RNF6: variants seen among roughly 807,000 people sequenced by gnomAD.
RNF6 encodes the protein ring finger protein 6, also known as E3 ubiquitin-protein ligase RNF6.
Under a neutral mutation model 50.1 loss-of-function variants are expected in RNF6, and 21 were observed. The observed-to-expected ratio is 0.42, with a 90% CI of 0.30 to 0.60. The LOEUF (loss-of-function observed/expected upper bound fraction) is 0.60. Among genes scored for constraint, RNF6 ranks in the 20% least tolerant of loss-of-function variants. RNF6 has a pLI of 0.20. For synonymous variants in RNF6, 255 were observed against 291.8 expected (o/e 0.87, Z 1.29); for missense variants, 698 against 838.2 (o/e 0.83, Z 2.07).
intron 5 of RNF6, among the ~76,000 whole-genome samples, chr13:26,198,683 A>G (rs920434977): frequency 2.6e-5 from 4 of 152,000 alleles, no homozygotes; most frequent in African/African-American, 9.7e-5. Context: ...ATATATATTG[A>G]AAAGGAAAAA....
At position 26,188,451 on chromosome 13, in the gene RNF6, G is replaced by A. The variant is rs376208107; in HGVS notation, n.768+27023C>T. 2.5e-3 allele frequency among the ~76,000 whole-genome samples: 385 copies of A among 152,202 alleles called. 2 individuals are homozygous for A. The highest frequency in any genetic ancestry group is 0.017 in the Middle Eastern group (5 of 294). On this transcript the variant is annotated intron_variant and non_coding_transcript_variant, in intron 5 of 5. Transcript: ENST00000468480. ...TGAATAACTACTGGAATTATCAAGA[G>A]TCTGGCTGAATTTACATTTTACTTT...
At chr13:26,191,609 C>G (rs1274534934) in intron 5 of RNF6, among the ~76,000 whole-genome samples, 2 of 152,148 alleles carry the variant, frequency 1.3e-5, no homozygotes, top group Non-Finnish European at 2.9e-5. Context: ...CTTGGCAGTT[C>G]TCTCCTCACT....
chr13:26,201,778 A>G (rs2075041958), intron 5 of RNF6, among the ~76,000 whole-genome samples: 1 of 152,236 alleles, frequency 6.6e-6, no homozygotes, highest in Admixed American at 6.5e-5. Flanking sequence ...AGAGGCAGAC[A>G]TGGGCTCAGA....
At chr13:26,146,171 G>C (rs1871231329) in intron 5 of RNF6, among the ~76,000 whole-genome samples, 3 of 152,148 alleles carry the variant, frequency 2.0e-5, no homozygotes, top group Non-Finnish European at 4.4e-5. Context: ...ATCCCTTTGG[G>C]GAAGGCTGGG....
chr13:26,216,379 G>A lies in RNF6; in HGVS notation c.290-787C>T, dbSNP rs566608642. Among the ~76,000 whole-genome samples the A allele has an allele frequency of 3.9e-5, 6 of 152,120 alleles. No individual in the cohort carries two copies. The South Asian group carries it at 1.2e-3, about 32-fold the overall frequency. On this transcript the variant is annotated intron_variant, in intron 4 of 4. Coordinates refer to ENST00000381588, the MANE Select transcript of RNF6 (RefSeq NM_005977.4). Reference sequence around the variant, plus strand: ...AATACATTTTCTATTCATTTAGAACGTAAGCTCCAGGAAAACAAAGATTTT... The same window carrying A: ...AATACATTTTCTATTCATTTAGAACATAAGCTCCAGGAAAACAAAGATTTT...
At position 26,212,859 on chromosome 13, in the gene RNF6, G is replaced by C. The variant is rs894583735; in HGVS notation, c.*965C>G. 6.6e-6 allele frequency: 1 copy of C among 152,092 alleles called. No homozygotes were observed. Among genetic ancestry groups the C allele is most frequent in the Non-Finnish European group, 1.5e-5 (1 of 67,916 alleles). The allele number at this position is 152,092 out of a possible 1,614,324, so 9.4% of individuals were successfully genotyped here. A position where few individuals can be genotyped will look rare whatever the true frequency, so the allele number is the denominator to read the frequency against. Reference sequence around the variant, plus strand: ...ACTCTACATTCTCTTAAAGGTTTTCGTTTTGTTTTCACTGGAGATTTTTAG... The same window carrying C: ...ACTCTACATTCTCTTAAAGGTTTTCCTTTTGTTTTCACTGGAGATTTTTAG... On this transcript the variant is annotated 3_prime_UTR_variant, in exon 5 of 5. Coordinates refer to ENST00000381588, the MANE Select transcript of RNF6 (RefSeq NM_005977.4).
chr13:26,204,463 C>G (rs1181452128), intron 5 of RNF6, among the ~76,000 whole-genome samples: 4 of 126,394 alleles, frequency 3.2e-5, no homozygotes, highest in Admixed American at 1.0e-4. Flanking sequence ...CACCACTGCA[C>G]TTTAGCCTGG....
At chr13:26,221,969 AGTG>A (rs1405046539) in intron 1 of RNF6, 31 bp downstream of exon 1, 1 of 152,406 alleles carries the variant, frequency 6.6e-6, no homozygotes, top group Admixed American at 6.5e-5. Context: ...TCCAGGAAGT[AGTG>A]GTGGGACCCA....
rs539573484 is a variant in RNF6, at chr13:26,189,578, C to T, written n.768+25896G>A. Reference sequence around the variant, plus strand: ...GCAGTTTGCCCCAATCTTAAGGAAACTCTGCCTGTTTTTGCTTCAGGCTTC... The same window carrying T: ...GCAGTTTGCCCCAATCTTAAGGAAATTCTGCCTGTTTTTGCTTCAGGCTTC... On this transcript the variant is annotated intron_variant and non_coding_transcript_variant, in intron 5 of 5. Transcript: ENST00000468480. Among the ~76,000 whole-genome samples the T allele has an allele frequency of 6.6e-4, 101 of 152,318 alleles. 1 individual carries two copies. The highest frequency in any genetic ancestry group is 2.3e-3 in the African/African-American group (96 of 41,578).
chr13:26,205,677 C>T (rs1477704659), intron 5 of RNF6, among the ~76,000 whole-genome samples: 1 of 152,190 alleles, frequency 6.6e-6, no homozygotes, highest in Non-Finnish European at 1.5e-5. Context: ...ACAGGATAAA[C>T]CCTCTTTAAG....
At position 26,215,554 on chromosome 13, in the gene RNF6, G is replaced by C; in HGVS notation, c.328C>G (p.Leu110Val). Reference sequence around the variant, plus strand: ...CGAAAGGTGTTCAACCATTCTAGAAGAGAATCTTCATGTGAACTTTCTCTA... The same window carrying C: ...CGAAAGGTGTTCAACCATTCTAGAACAGAATCTTCATGTGAACTTTCTCTA... ...VPRESSHEDS[L>V]LEWLNTFRRT... Residue 110 changes from leucine (L) to valine (V), a missense_variant, in exon 5 of 5, where the codon CTT becomes GTT. Transcript: ENST00000381588. The C allele has an allele frequency of 6.2e-7, 1 of 1,609,812 alleles. No individual in the cohort carries two copies. The highest frequency in any genetic ancestry group is 8.5e-7 in the Non-Finnish European group (1 of 1,179,828).
chr13:26,172,803 A>G (rs1335860292), intron 5 of RNF6, among the ~76,000 whole-genome samples: 1 of 152,178 alleles, frequency 6.6e-6, no homozygotes, highest in African/African-American at 2.4e-5. Flanking sequence ...TCGGCCTCCC[A>G]AAGTGCTGGG....
At chr13:26,179,631 A>G (rs1258272427) in intron 5 of RNF6, among the ~76,000 whole-genome samples, 1 of 152,174 alleles carries the variant, frequency 6.6e-6, no homozygotes, top group Non-Finnish European at 1.5e-5. Flanking sequence ...GAGAAGTGCT[A>G]TGTCTGCCAA....
At chr13:26,220,460 C>T (rs190134610) in intron 2 of RNF6, among the ~76,000 whole-genome samples, 242 of 152,292 alleles carry the variant, frequency 1.6e-3, no homozygotes, top group African/African-American at 5.5e-3. Flanking sequence ...TCCTGAGAAG[C>T]TCACTTTTAA....
chr13:26,216,669 T>C (rs1869907433), intron 4 of RNF6, among the ~76,000 whole-genome samples: 1 of 152,042 alleles, frequency 6.6e-6, no homozygotes, highest in Non-Finnish European at 1.5e-5. Context: ...AAATAGCTAT[T>C]ATAGGCCGGG....
chr13:26,190,640 C>A (rs74518983), intron 5 of RNF6, among the ~76,000 whole-genome samples: 3,898 of 152,252 alleles, frequency 0.026, 59 homozygotes, highest in Middle Eastern at 0.071. Flanking sequence ...CCTTGTATCC[C>A]CATAACACAC....
chr13:26,145,452 G>T (rs542543337), intron 5 of RNF6, among the ~76,000 whole-genome samples: 10 of 150,264 alleles, frequency 6.7e-5, no homozygotes, highest in South Asian at 2.1e-4. Flanking sequence ...TCATGGGGAG[G>T]GGGGGGGACT....
At position 26,197,217 on chromosome 13, in the gene RNF6, A is replaced by G. The variant is rs1372388471; in HGVS notation, n.768+18257T>C. 9.2e-5 allele frequency among the ~76,000 whole-genome samples: 14 copies of G among 152,050 alleles called. No homozygotes were observed. In the East Asian group the frequency reaches 2.1e-3, roughly 23 times the overall value. The stretch of plus-strand genomic sequence containing the variant: ...TTGAGATCCTGCCTAGAAAAACTCA[A>G]GGCTGCCAAAGAATTTACCATTTGT... On this transcript the variant is annotated intron_variant and non_coding_transcript_variant, in intron 5 of 5. Coordinates refer to the RNF6 transcript ENST00000468480.
intron 5 of RNF6, among the ~76,000 whole-genome samples, chr13:26,176,290 C>T (rs1208441102): frequency 1.3e-5 from 2 of 152,158 alleles, no homozygotes; most frequent in African/African-American, 4.8e-5. Flanking sequence ...CCAGTCTCTT[C>T]TCTTTTTTTT....
Sources: gnomAD v4.1 joint callset for allele counts (sites outside exome capture counted in the v4.1 genomes callset) on GRCh38, gnomAD v4.1.1 for gene constraint, MANE v1.5 for transcripts, NCBI Gene and HGNC (gene_info 2026-07-23, HGNC 2026-07-21) for gene names.